Variants in ZC3H14 observed in about 807,000 individuals in gnomAD.
ZC3H14 encodes zinc finger CCCH domain-containing protein 14.
Under a neutral mutation model 92.4 loss-of-function variants are expected in ZC3H14, and 31 were observed. The observed-to-expected ratio is 0.34, with a 90% CI of 0.25 to 0.45. ZC3H14 has a LOEUF of 0.45. ZC3H14 is among the 20% of genes least tolerant of loss of function. The pLI, the probability that ZC3H14 is intolerant of heterozygous loss-of-function variation, is 1.00. For synonymous variants in ZC3H14, 321 were observed against 300.9 expected, an observed-to-expected ratio of 1.07 and a Z score of -0.69; for missense variants, 781 against 897.3, an observed-to-expected ratio of 0.87 and a Z score of 1.66.
Position 88,607,257 on chromosome 14 carries a change from C to A in ZC3H14, c.1762C>A (p.Leu588Met). 1 of 1,614,052 alleles carries A rather than the reference C, an allele frequency of 6.2e-7. No individual in the cohort carries two copies. Among genetic ancestry groups the A allele is most frequent in the Non-Finnish European group, 8.5e-7 (1 of 1,179,978 alleles). ...GSFSNAEMSE[L>M]SVAQKPEKLL... Reference sequence around the variant, plus strand: ...TCCCTTTGTAGCTGAGATGAGTGAACTGAGTGTGGCACAGAAACCAGAAAA... The same window carrying A: ...TCCCTTTGTAGCTGAGATGAGTGAAATGAGTGTGGCACAGAAACCAGAAAA... The change falls in exon 13 of 17, where the codon CTG (leucine) becomes ATG (methionine). Residue 588 changes from leucine to methionine, a missense_variant. Coordinates refer to ENST00000251038, the MANE Select transcript of ZC3H14 (RefSeq NM_024824.5).
intron 10 of ZC3H14, among the ~76,000 whole-genome samples, chr14:88,597,603 A>C (rs372472279): frequency 5.5e-4 from 84 of 152,258 alleles, no homozygotes; most frequent in African/African-American, 2.0e-3. Context: ...CCTCCACCAG[A>C]GGCCAGATCC....
chr14:88,571,213 C>T, intron 4 of ZC3H14, 89 bp downstream of exon 4: 1 of 1,187,550 alleles, frequency 8.4e-7, no homozygotes, highest in Non-Finnish European at 1.2e-6. Context: ...GGGAAAAACC[C>T]ATCAATTTCA....
At chr14:88,581,507 G>A (rs1368258669) in intron 9 of ZC3H14, among the ~76,000 whole-genome samples, 1 of 152,160 alleles carries the variant, frequency 6.6e-6, no homozygotes, top group African/African-American at 2.4e-5. Context: ...GTTGCAGTGA[G>A]CCAAGATTGT....
In ZC3H14 at chr14:88,575,913, G is replaced by A. The variant is rs1453914882; in HGVS notation, c.1096G>A (p.Val366Ile). ...LKAISEAQESVTKTTNYSTVP... is the reference protein window; with the variant it reads ...LKAISEAQESITKTTNYSTVP... ...GGCTATATCTGAAGCTCAAGAATCC[G>A]TAACAAAAACAACTAACTACTCTAC... is the stretch of plus-strand genomic sequence containing the variant. The change falls in exon 8 of 17, where the codon GTA becomes ATA. Residue 366 changes from valine to isoleucine, a missense_variant. Physicochemically the swap from Val to Ile is conservative, Grantham distance 29. Coordinates refer to ENST00000251038, the MANE Select transcript of ZC3H14 (RefSeq NM_024824.5). 8 of 1,613,294 alleles carry A rather than the reference G, an allele frequency of 5.0e-6. No homozygotes were observed. Among genetic ancestry groups the A allele is most frequent in the South Asian group, 3.3e-5 (3 of 91,070 alleles).
Position 88,626,951 on chromosome 14 carries a change from T to C in ZC3H14, c.*15200T>C. ...GCCAGGGTCCAGAACTTCACATGTT[T>C]TACTCCCACTGAGACAAACTGGGTA... is the stretch of plus-strand genomic sequence containing the variant. On this transcript the variant is annotated 3_prime_UTR_variant, in exon 17 of 17. Transcript: ENST00000251038. The C allele has an allele frequency of 6.2e-7, 1 of 1,613,976 alleles. No individual in the cohort carries two copies. The highest frequency in any genetic ancestry group is 8.5e-7 in the Non-Finnish European group (1 of 1,179,878).
At chr14:88,588,646 T>TG (rs1380986508) in intron 9 of ZC3H14, among the ~76,000 whole-genome samples, 2 of 152,204 alleles carry the variant, frequency 1.3e-5, no homozygotes, top group African/African-American at 2.4e-5. Context: ...ACCCTTTTAA[T>TG]TTGAAAATTC....
intron 9 of ZC3H14, chr14:88,592,107 GGCCATATGGGT>G (rs1396865250): frequency 6.6e-6 from 1 of 152,144 alleles, no homozygotes; most frequent in African/African-American, 2.4e-5. Flanking sequence ...GGACATAGTG[GGCCATATGGGT>G]GCCATCAGAT....
At chr14:88,589,575 A>G (rs1284540586) in intron 9 of ZC3H14, 4 of 152,122 alleles carry the variant, frequency 2.6e-5, no homozygotes, top group Admixed American at 1.3e-4. Context: ...AATCATTTCA[A>G]ACTTGTCCAA....
At chr14:88,587,167 C>CTT (rs11462440) in intron 9 of ZC3H14, among the ~76,000 whole-genome samples, 60 of 147,600 alleles carry the variant, frequency 4.1e-4, no homozygotes, top group East Asian at 2.2e-3. Flanking sequence ...CCTTCAATTC[C>CTT]TTTTTTTTTT....
chr14:88,597,272 T>G (rs949008348), intron 10 of ZC3H14, among the ~76,000 whole-genome samples: 1 of 152,152 alleles, frequency 6.6e-6, no homozygotes, highest in African/African-American at 2.4e-5. Context: ...GCCTGTCTCC[T>G]TTCCTCTCCC....
At chr14:88,592,470 T>TACC (rs1295741222) in intron 9 of ZC3H14, 3 of 149,764 alleles carry the variant, frequency 2.0e-5, no homozygotes, top group Non-Finnish European at 4.5e-5. Flanking sequence ...AACCAAAGAC[T>TACC]ACCATTCTTT....
intron 9 of ZC3H14, chr14:88,594,937 A>G: frequency 6.2e-7 from 1 of 1,613,990 alleles, no homozygotes; most frequent in Non-Finnish European, 8.5e-7. Flanking sequence ...TTTTGATCTA[A>G]ATGTTAGAGT....
intron 10 of ZC3H14, among the ~76,000 whole-genome samples, chr14:88,600,836 G>A (rs144954487): frequency 2.4e-4 from 36 of 152,126 alleles, no homozygotes; most frequent in Non-Finnish European, 3.4e-4. Flanking sequence ...GCCTTCCTTG[G>A]TATGTACTGC....
intron 2 of ZC3H14, among the ~76,000 whole-genome samples, chr14:88,565,343 A>G (rs1249846453): frequency 6.6e-6 from 1 of 151,966 alleles, no homozygotes; most frequent in Non-Finnish European, 1.5e-5. Flanking sequence ...GGGTTTCACC[A>G]TGTTGGCCAG....
rs2090010168 is a variant in ZC3H14, at chr14:88,626,898, C to T, written c.*15147C>T. 6.2e-7 allele frequency: 1 copy of T among 1,613,956 alleles called. No individual in the cohort carries two copies. The highest frequency in any genetic ancestry group is 1.3e-5 in the African/African-American group (1 of 75,038). The stretch of plus-strand genomic sequence containing the variant: ...GGGCATCTTCCAGTGTGCTCAGTAG[C>T]CCTTTTTTGCTAAGAAGAGCTCTTC... On this transcript the variant is annotated 3_prime_UTR_variant, in exon 17 of 17. Coordinates refer to ENST00000251038, the MANE Select transcript of ZC3H14 (RefSeq NM_024824.5).
chr14:88,595,256 C>T, intron 9 of ZC3H14: 1 of 1,430,342 alleles, frequency 7.0e-7, no homozygotes, highest in South Asian at 1.4e-5. Flanking sequence ...AATTTGGATT[C>T]TGCTTGATTT....
Position 88,610,912 on chromosome 14 carries a change from G to A in ZC3H14, c.2176G>A (p.Ala726Thr). 6.2e-7 allele frequency: 1 copy of A among 1,614,134 alleles called. No homozygotes were observed. Among genetic ancestry groups the A allele is most frequent in the Non-Finnish European group, 8.5e-7 (1 of 1,180,024 alleles). The part of the protein sequence containing the change: ...HPTINVPPRH[A>T]LKWIRPQTSE ...CACCATTAATGTCCCACCACGACAT[G>A]CCTTGAAATGGATTCGACCTCAAAC... The change falls in exon 16 of 17, where the codon GCC becomes ACC. Residue 726 changes from alanine (A) to threonine (T), a missense_variant. Ala to Thr is a moderately conservative substitution (Grantham distance 58, BLOSUM62 0). This residue lies in a region of ZC3H14 where 221 missense variants were observed against 304.7 expected (regional missense o/e 0.73). Coordinates refer to ENST00000251038, the MANE Select transcript of ZC3H14 (RefSeq NM_024824.5).
rs571303442 is a variant in ZC3H14, at chr14:88,610,947, ATTCAAATTCGTTTTTCTCATGTCAG to A, written c.2204+17_2204+41del. 0.013 allele frequency: 20,720 copies of A among 1,612,820 alleles called. 162 individuals carry two copies. The highest frequency in any genetic ancestry group is 0.016 in the Middle Eastern group (97 of 6,062). ...GGATTCGACCTCAAACCAGGTAAAC[ATTCAAATTCGTTTTTCTCATGTCAG>A]TTCAAATTCTTTTTTCTAATTTGCA... is the stretch of plus-strand genomic sequence containing the variant. On this transcript the variant is annotated splice_region_variant and intron_variant, in intron 16 of 16. Coordinates refer to ENST00000251038, the MANE Select transcript of ZC3H14 (RefSeq NM_024824.5).
At position 88,615,819 on chromosome 14, in the gene ZC3H14, C is replaced by T; in HGVS notation, c.*4068C>T. On this transcript the variant is annotated 3_prime_UTR_variant, in exon 17 of 17. Coordinates refer to ENST00000251038, the MANE Select transcript of ZC3H14 (RefSeq NM_024824.5). The stretch of plus-strand genomic sequence containing the variant: ...TTTCTGTAGTCATCTCAGCATCTCT[C>T]AGTGAGGTGTATGTACACATTTCCA... 17 of 1,611,462 alleles carry T rather than the reference C, an allele frequency of 1.1e-5. No individual in the cohort carries two copies. Among genetic ancestry groups the T allele is most frequent in the Non-Finnish European group, 1.4e-5 (17 of 1,178,866 alleles).
Sources: allele counts gnomAD v4.1 joint callset (sites outside exome capture counted in the v4.1 genomes callset), GRCh38; gene constraint gnomAD v4.1.1; regional missense constraint gnomAD v4.1.1; transcripts MANE v1.5; gene names NCBI Gene and HGNC (gene_info 2026-07-23, HGNC 2026-07-21).